GRIP1: variants seen among roughly 807,000 people sequenced by gnomAD.
The protein encoded by GRIP1 is glutamate receptor interacting protein 1.
Under a neutral mutation model 129.9 loss-of-function variants are expected in GRIP1, and 45 were observed. The ratio of observed to expected loss-of-function variants is 0.35; its 90% CI spans 0.27 to 0.44. The LOEUF is 0.44. Ranked by LOEUF, GRIP1 falls within the 20% of genes least tolerant of loss-of-function variation. GRIP1 has a pLI of 1.00. For synonymous variants in GRIP1, 530 were observed against 520.8 expected (o/e 1.02, Z -0.24); for missense variants, 1,196 against 1,396.8 (o/e 0.86, Z 2.29).
At chr12:66,431,417 T>G (rs1238910639) in intron 14 of GRIP1, among the ~76,000 whole-genome samples, 2 of 152,226 alleles carry the variant, frequency 1.3e-5, no homozygotes, top group Non-Finnish European at 1.5e-5. Flanking sequence ...TATTTTGAAT[T>G]GCAGTACCGT....
intron 1 of GRIP1, among the ~76,000 whole-genome samples, chr12:66,882,855 A>C (rs1166699558): frequency 6.6e-6 from 1 of 152,168 alleles, no homozygotes; most frequent in Admixed American, 6.6e-5. Context: ...GACAAGGCAG[A>C]CAAGGCAGCC....
intron 19 of GRIP1, among the ~76,000 whole-genome samples, chr12:66,382,888 G>A (rs1026165658): frequency 2.0e-5 from 3 of 152,188 alleles, no homozygotes; most frequent in African/African-American, 7.2e-5. Context: ...TAATATGGAA[G>A]GACAGAGACA....
intron 1 of GRIP1, among the ~76,000 whole-genome samples, chr12:66,734,643 A>G (rs776036463): frequency 6.6e-6 from 1 of 152,242 alleles, no homozygotes; most frequent in Non-Finnish European, 1.5e-5. Context: ...ATATTTTAAA[A>G]TAAACAAGAT....
intron 4 of GRIP1, among the ~76,000 whole-genome samples, chr12:66,530,269 C>A (rs2061398418): frequency 6.6e-6 from 1 of 152,114 alleles, no homozygotes; most frequent in Non-Finnish European, 1.5e-5. Context: ...TTGTAAAATG[C>A]AAAAACAATA....
intron 1 of GRIP1, among the ~76,000 whole-genome samples, chr12:66,904,630 C>T (rs370907812): frequency 2.8e-4 from 42 of 152,252 alleles, no homozygotes; most frequent in African/African-American, 8.2e-4. Flanking sequence ...CAGTGGCTCA[C>T]GCCTGCAATC....
At chr12:66,400,734 A>C (rs1215047314) in intron 16 of GRIP1, among the ~76,000 whole-genome samples, 1 of 152,202 alleles carries the variant, frequency 6.6e-6, no homozygotes, top group Non-Finnish European at 1.5e-5. Context: ...TAATAGCTGT[A>C]TATTTGATTG....
chr12:66,366,641 A>T (rs1028594899), intron 23 of GRIP1, among the ~76,000 whole-genome samples: 4 of 152,250 alleles, frequency 2.6e-5, no homozygotes, highest in Admixed American at 6.5e-5. Flanking sequence ...ATTGAAAAGC[A>T]TGAATGACAA....
chr12:66,671,173 G>T (rs2034061753), intron 1 of GRIP1, among the ~76,000 whole-genome samples: 2 of 152,126 alleles, frequency 1.3e-5, no homozygotes, highest in African/African-American at 4.8e-5. Context: ...CCCCTGAATT[G>T]GGTGCTCATA....
intron 1 of GRIP1, among the ~76,000 whole-genome samples, chr12:67,060,137 G>A (rs1452584642): frequency 2.0e-5 from 3 of 152,152 alleles, no homozygotes; most frequent in Admixed American, 2.0e-4. Flanking sequence ...TGCTAATACT[G>A]GGTTTTGTAT....
At chr12:66,958,814 G>A (rs1450219226) in intron 1 of GRIP1, among the ~76,000 whole-genome samples, 5 of 152,084 alleles carry the variant, frequency 3.3e-5, no homozygotes. Flanking sequence ...ATTTCCTTAG[G>A]ATAAATTGCT....
chr12:67,000,228 G>T (rs992551660), intron 1 of GRIP1, among the ~76,000 whole-genome samples: 2 of 151,922 alleles, frequency 1.3e-5, no homozygotes, highest in African/African-American at 4.8e-5. Context: ...CAGGGCAAAA[G>T]GAATACCACA....
At chr12:67,006,220 C>G (rs987605713) in intron 1 of GRIP1, among the ~76,000 whole-genome samples, 1 of 152,152 alleles carries the variant, frequency 6.6e-6, no homozygotes, top group African/African-American at 2.4e-5. Context: ...AAACCACTTT[C>G]CCAACAGCTG....
chr12:66,617,083 T>TGTGTG (rs2065069355), intron 1 of GRIP1, among the ~76,000 whole-genome samples: 1 of 51,152 alleles, frequency 2.0e-5, no homozygotes, highest in Non-Finnish European at 4.6e-5. Flanking sequence ...GCAACAGACG[T>TGTGTG]TTTGTGTGTG....
chr12:66,739,187 G>A (rs2036708180), intron 1 of GRIP1, among the ~76,000 whole-genome samples: 1 of 152,132 alleles, frequency 6.6e-6, no homozygotes, highest in South Asian at 2.1e-4. Context: ...TAATCATTAT[G>A]ATTAACACCT....
At chr12:66,688,884 G>A (rs577609976) in intron 1 of GRIP1, among the ~76,000 whole-genome samples, 4 of 152,250 alleles carry the variant, frequency 2.6e-5, no homozygotes, top group African/African-American at 9.6e-5. Flanking sequence ...GAAAAACCAT[G>A]GAAAAGATAA....
At chr12:67,009,302 A>T (rs185692180) in intron 1 of GRIP1, among the ~76,000 whole-genome samples, 130 of 152,272 alleles carry the variant, frequency 8.5e-4, no homozygotes, top group African/African-American at 3.0e-3. Context: ...GTAATTAGCC[A>T]CTGGTTTCAC....
chr12:66,440,985 G>A (rs1051976517), intron 13 of GRIP1, among the ~76,000 whole-genome samples: 1 of 152,160 alleles, frequency 6.6e-6, no homozygotes, highest in Non-Finnish European at 1.5e-5. Context: ...CATCCATTCA[G>A]TGCATTTTTC....
intron 1 of GRIP1, among the ~76,000 whole-genome samples, chr12:66,821,923 C>T (rs1383099098): frequency 1.3e-5 from 2 of 152,138 alleles, no homozygotes; most frequent in Non-Finnish European, 2.9e-5. Flanking sequence ...TACATTATCT[C>T]AGGAAGAGCT....
chr12:66,875,723 G>C (rs973278268), intron 1 of GRIP1, among the ~76,000 whole-genome samples: 2 of 152,016 alleles, frequency 1.3e-5, no homozygotes, highest in Admixed American at 6.6e-5. Context: ...ACATATTGTG[G>C]TGCTTTAACT....
Sources: allele counts gnomAD v4.1 joint callset (sites outside exome capture counted in the v4.1 genomes callset), GRCh38; gene constraint gnomAD v4.1.1; transcripts MANE v1.5; gene names NCBI Gene and HGNC (gene_info 2026-07-23, HGNC 2026-07-21).